GZMB: variants seen among roughly 807,000 people sequenced by gnomAD.
GZMB encodes T-cell serine protease 1-3E.
Under a neutral mutation model 24.2 loss-of-function variants are expected in GZMB, and 27 were observed. The ratio of observed to expected loss-of-function variants is 1.12; its 90% CI spans 0.82 to 1.54. The LOEUF (loss-of-function observed/expected upper bound fraction) is 1.54. Ranked by LOEUF, GZMB falls within the 40% of genes most tolerant of loss-of-function variation. The pLI, the probability that GZMB is intolerant of heterozygous loss-of-function variation, is 0.00. For missense variants in GZMB, 336 were observed against 310.1 expected, an observed-to-expected ratio of 1.08 and a Z score of -0.63; for synonymous variants, 121 against 115.1, an observed-to-expected ratio of 1.05 and a Z score of -0.33.
chr14:24,631,720 GTCCCCTCT>G, intron 4 of GZMB, 130 bp downstream of exon 4: 3 of 768,524 alleles, frequency 3.9e-6, no homozygotes, highest in Non-Finnish European at 6.6e-6. Flanking sequence ...GCTCAGTCTA[GTCCCCTCT>G]TCTCTTTCCA....
intron 1 of GZMB, 171 bp downstream of exon 1, chr14:24,633,935 G>A: frequency 1.4e-6 from 1 of 720,408 alleles, no homozygotes; most frequent in Non-Finnish European, 2.5e-6. Flanking sequence ...ATGGCCTGCT[G>A]CTCTGCCATT....
intron 1 of GZMB, 45 bp downstream of exon 1, chr14:24,634,061 C>T (rs757861505): frequency 2.0e-6 from 3 of 1,527,238 alleles, no homozygotes; most frequent in Admixed American, 1.9e-5. Flanking sequence ...GGCAGGAGAC[C>T]TGTGGGATGG....
chr14:24,631,983 T>C lies in GZMB; in HGVS notation c.475A>G (p.Thr159Ala). 1 of 1,614,180 alleles carries C rather than the reference T, an allele frequency of 6.2e-7. No individual in the cohort carries two copies. Among genetic ancestry groups the C allele is most frequent in the Non-Finnish European group, 8.5e-7 (1 of 1,180,016 alleles). The change falls in exon 4 of 5, where the codon ACA (threonine) becomes GCA (alanine). Residue 159 changes from threonine (T) to alanine (A), a missense_variant. Transcript: ENST00000216341. ...ACTGTCATCTTCACCTCTTGTAGTG[T>C]GTGTGAGTGTTTTCCCAGGGGGGCC... ...QTAPLGKHSH[T>A]LQEVKMTVQE...
chr14:24,632,221 A>G, intron 3 of GZMB, 103 bp from the exon 4 acceptor site: 1 of 1,505,220 alleles, frequency 6.6e-7, no homozygotes, highest in South Asian at 1.2e-5. Flanking sequence ...AGGCATAGGA[A>G]CTAACCAAGA....
At chr14:24,633,430 C>A in intron 1 of GZMB, 1 of 277,884 alleles carries the variant, frequency 3.6e-6, no homozygotes, top group Non-Finnish European at 5.5e-6. Context: ...GTGGAGGGAT[C>A]TAGATACTGT....
At chr14:24,632,246 G>C in intron 3 of GZMB, 78 bp downstream of exon 3, 3 of 1,526,464 alleles carry the variant, frequency 2.0e-6, no homozygotes, top group Non-Finnish European at 2.7e-6. Flanking sequence ...AGGATGGAAA[G>C]GAGGGAAGGG....
At chr14:24,633,750 T>A (rs2067018465) in intron 1 of GZMB, among the ~76,000 whole-genome samples, 1 of 152,204 alleles carries the variant, frequency 6.6e-6, no homozygotes, top group Non-Finnish European at 1.5e-5. Flanking sequence ...AAGTAGACAG[T>A]GAGAGAAGCA....
At chr14:24,633,893 G>A (rs1443839945) in intron 1 of GZMB, 4 of 650,088 alleles carry the variant, frequency 6.2e-6, no homozygotes, top group Non-Finnish European at 1.1e-5. Context: ...GGGCTCTGGG[G>A]AAGGGATAGT....
rs756689392 is a variant in GZMB, at chr14:24,632,975, C to T, written c.143G>A (p.Arg48Lys). The T allele has an allele frequency of 2.5e-6, 4 of 1,613,878 alleles. No homozygotes were observed. The highest frequency in any genetic ancestry group is 2.5e-6 in the Non-Finnish European group (3 of 1,179,946). Reference protein sequence around the residue: ...LMIWDQKSLKRCGGFLIRDDF... With the variant: ...LMIWDQKSLKKCGGFLIRDDF... ...GTCTCGTATCAGGAAGCCACCGCAC[C>T]TCTTCAGAGACTTCTGATCCCAGAT... The change falls in exon 2 of 5, where the codon AGG becomes AAG. Residue 48 changes from arginine to lysine, a missense_variant. Coordinates refer to ENST00000216341, the MANE Select transcript of GZMB (RefSeq NM_004131.6).
intron 2 of GZMB, 192 bp downstream of exon 2, chr14:24,632,723 C>T (rs951184300): frequency 3.7e-6 from 3 of 802,298 alleles, no homozygotes; most frequent in African/African-American, 3.4e-5. Flanking sequence ...GGTCACTCTG[C>T]TGTTTCTTAC....
chr14:24,633,912 G>C, intron 1 of GZMB, 194 bp downstream of exon 1: 1 of 687,798 alleles, frequency 1.5e-6, no homozygotes. Context: ...GTACCCACTG[G>C]CTCTTCTTGA....
At chr14:24,632,184 G>A (rs1401956460) in intron 3 of GZMB, 66 bp from the exon 4 acceptor site, 2 of 1,587,600 alleles carry the variant, frequency 1.3e-6, no homozygotes, top group Non-Finnish European at 1.7e-6. Context: ...CACAGTGATG[G>A]GGCTGCACAA....
chr14:24,632,725 G>T (rs1566570237), intron 2 of GZMB, 190 bp downstream of exon 2: 1 of 808,766 alleles, frequency 1.2e-6, no homozygotes, highest in East Asian at 2.7e-5. Context: ...TCACTCTGCT[G>T]TTTCTTACTT....
chr14:24,632,577 T>A, intron 2 of GZMB, 118 bp from the exon 3 acceptor site: 7 of 1,491,922 alleles, frequency 4.7e-6, no homozygotes, highest in Non-Finnish European at 5.6e-6. Context: ...AAGGGGACAG[T>A]CGGTCCCCAG....
intron 4 of GZMB, chr14:24,631,657 A>G (rs765510513): frequency 1.2e-5 from 7 of 600,384 alleles, no homozygotes; most frequent in African/African-American, 1.9e-5. Flanking sequence ...CCAAAGAAGC[A>G]CCATCCACCA....
Position 24,634,103 on chromosome 14 carries a change from C to T in GZMB, c.55+3G>A. ...GCCCCCGAGGGTGGAGACGGTCACTCACCTGCATCTGCCCTGGGCAGCAGG... is the reference window on the plus strand; with the variant it reads ...GCCCCCGAGGGTGGAGACGGTCACTTACCTGCATCTGCCCTGGGCAGCAGG... On this transcript the variant is annotated splice_donor_region_variant and intron_variant, in intron 1 of 4. Coordinates refer to ENST00000216341, the MANE Select transcript of GZMB (RefSeq NM_004131.6). 2 of 1,591,244 alleles carry T rather than the reference C, an allele frequency of 1.3e-6. No individual in the cohort carries two copies. The highest frequency in any genetic ancestry group is 1.8e-5 in the Admixed American group (1 of 55,098).
intron 1 of GZMB, 135 bp downstream of exon 1, chr14:24,633,971 C>T (rs563316665): frequency 1.2e-6 from 1 of 813,122 alleles, no homozygotes; most frequent in African/African-American, 1.7e-5. Context: ...TCCAGCATCA[C>T]ACTTGGGGGG....
chr14:24,631,590 GCA>G (rs2066994981), intron 4 of GZMB: 2 of 568,480 alleles, frequency 3.5e-6, no homozygotes, highest in Non-Finnish European at 6.2e-6. Context: ...CCCCCAGTGG[GCA>G]CAGTTTCCTA....
At chr14:24,633,294 C>T (rs1229709480) in intron 1 of GZMB, 2 of 985,016 alleles carry the variant, frequency 2.0e-6, no homozygotes, top group Non-Finnish European at 2.4e-6. Context: ...GTCTTAGGGA[C>T]AGTGAAATCC....
Sources: gnomAD v4.1 joint callset for allele counts (sites outside exome capture counted in the v4.1 genomes callset) on GRCh38, gnomAD v4.1.1 for gene constraint, MANE v1.5 for transcripts, NCBI Gene and HGNC (gene_info 2026-07-23, HGNC 2026-07-21) for gene names.